ALKBH3: variants seen among roughly 807,000 people sequenced by gnomAD.
ALKBH3 encodes alkB homolog 3, alpha-ketoglutarate dependent dioxygenase.
Under a neutral mutation model 43.9 loss-of-function variants are expected in ALKBH3, and 51 were observed. That is an observed-to-expected ratio of 1.16 (90% confidence interval 0.93 to 1.47). The LOEUF (loss-of-function observed/expected upper bound fraction) is 1.47. ALKBH3 is among the 40% of genes most tolerant of loss of function. The probability of loss-of-function intolerance (pLI) is 0.00; values close to 1 mark genes in which losing one functional copy is unlikely to be tolerated. For synonymous variants in ALKBH3, 102 were observed against 115.2 expected (o/e 0.89, Z 0.73); for missense variants, 361 against 351.9 (o/e 1.03, Z -0.21).
Position 43,901,611 on chromosome 11 carries a change from G to T in ALKBH3, c.555G>T (p.Lys185Asn). Residue 185 changes from lysine to asparagine, a missense_variant, in exon 8 of 10, where the codon AAG (lysine) becomes AAT (asparagine). Lys to Asn is a moderately conservative substitution (Grantham distance 94). Transcript: ENST00000302708. ...SLLCNLYRNE[K>N]DSVDWHSDDE... ...TCTGCAATCTTTATCGCAATGAGAA[G>T]GACAGCGTGGACTGGCACAGTGATG... 6.2e-7 allele frequency: 1 copy of T among 1,614,252 alleles called. No homozygotes were observed. The highest frequency in any genetic ancestry group is 1.1e-5 in the South Asian group (1 of 91,086).
At chr11:43,893,279 C>T (rs1006045457) in intron 7 of ALKBH3, among the ~76,000 whole-genome samples, 25 of 152,142 alleles carry the variant, frequency 1.6e-4, no homozygotes, top group African/African-American at 5.8e-4. Flanking sequence ...TATGCATGAC[C>T]TCCACCTGTT....
intron 4 of ALKBH3, 140 bp downstream of exon 4, chr11:43,884,157 A>G (rs1951732366): frequency 3.0e-6 from 3 of 1,010,436 alleles, no homozygotes; most frequent in Non-Finnish European, 4.4e-6. Context: ...CCCATCTCAA[A>G]TGTCTTTAAA....
intron 4 of ALKBH3, among the ~76,000 whole-genome samples, chr11:43,886,308 A>G (rs1951746094): frequency 6.6e-6 from 1 of 152,162 alleles, no homozygotes; most frequent in Non-Finnish European, 1.5e-5. Context: ...TCTTTGTGCA[A>G]TAGATTCCTG....
At chr11:43,899,664 C>T (rs1011022586) in intron 7 of ALKBH3, 2 of 429,158 alleles carry the variant, frequency 4.7e-6, no homozygotes, top group Admixed American at 7.6e-5. Context: ...GGACTCCTCT[C>T]ACCTCTAGAG....
chr11:43,884,651 G>T (rs1425125297), intron 4 of ALKBH3, among the ~76,000 whole-genome samples: 1 of 152,164 alleles, frequency 6.6e-6, no homozygotes, highest in African/African-American at 2.4e-5. Flanking sequence ...TCAGATATAT[G>T]TTCTTGCCCA....
intron 4 of ALKBH3, 43 bp from the exon 5 acceptor site, chr11:43,886,563 G>A: frequency 6.2e-7 from 1 of 1,602,116 alleles, no homozygotes; most frequent in South Asian, 1.1e-5. Flanking sequence ...ATAGCATATT[G>A]TTTTGCCTCA....
At chr11:43,911,042 A>G (rs957314701) in intron 8 of ALKBH3, among the ~76,000 whole-genome samples, 11 of 152,250 alleles carry the variant, frequency 7.2e-5, no homozygotes. Context: ...GAGCTAGACT[A>G]TAATCAAATA....
chr11:43,906,322 A>G (rs1231534924), intron 8 of ALKBH3, among the ~76,000 whole-genome samples: 1 of 152,240 alleles, frequency 6.6e-6, no homozygotes, highest in African/African-American at 2.4e-5. Flanking sequence ...AGGTCAGTCA[A>G]GTCATAAATA....
At chr11:43,898,791 C>G in intron 7 of ALKBH3, 1 of 761,088 alleles carries the variant, frequency 1.3e-6, no homozygotes, top group Non-Finnish European at 2.5e-6. Flanking sequence ...TTATTGATGA[C>G]AACACCAGAA....
At chr11:43,890,661 C>T (rs752650221) in intron 6 of ALKBH3, among the ~76,000 whole-genome samples, 3 of 152,148 alleles carry the variant, frequency 2.0e-5, no homozygotes, top group East Asian at 1.9e-4. Context: ...GTCAGGAGAT[C>T]GAGACCATCC....
chr11:43,893,053 T>C (rs980545598), intron 7 of ALKBH3, among the ~76,000 whole-genome samples: 3 of 152,242 alleles, frequency 2.0e-5, no homozygotes, highest in Admixed American at 1.3e-4. Flanking sequence ...CAGTCCAACA[T>C]AGCCTGCTTT....
chr11:43,892,021 G>T lies in ALKBH3; in HGVS notation c.371-20G>T, dbSNP rs777105819. The T allele has an allele frequency of 4.4e-6, 7 of 1,581,110 alleles. 1 individual carries two copies. The South Asian group carries it at 4.4e-5, about 10-fold the overall frequency. On this transcript the variant is annotated intron_variant, in intron 6 of 9. Transcript: ENST00000302708. The stretch of plus-strand genomic sequence containing the variant: ...TAAATAGCATTAAACCATTTCAAAG[G>T]CCTGTATTTTCTTTCTTAGATATAA...
At chr11:43,918,743 A>T (rs1289740158) in intron 8 of ALKBH3, 4 of 287,092 alleles carry the variant, frequency 1.4e-5, no homozygotes, top group Admixed American at 4.9e-5. Flanking sequence ...ACTAATAGCT[A>T]GCACTTACTG....
At chr11:43,906,121 C>G (rs1393617724) in intron 8 of ALKBH3, among the ~76,000 whole-genome samples, 3 of 152,164 alleles carry the variant, frequency 2.0e-5, no homozygotes, top group Non-Finnish European at 2.9e-5. Context: ...CAAGTTGAGC[C>G]CTCTAACCAC....
intron 8 of ALKBH3, among the ~76,000 whole-genome samples, chr11:43,906,883 A>G (rs1051113240): frequency 6.6e-6 from 1 of 152,128 alleles, no homozygotes; most frequent in African/African-American, 2.4e-5. Context: ...TTTTTTGTAA[A>G]TGGGATTGAT....
intron 4 of ALKBH3, 107 bp from the exon 5 acceptor site, chr11:43,886,499 G>T: frequency 9.7e-7 from 1 of 1,030,328 alleles, no homozygotes; most frequent in South Asian, 1.4e-5. Flanking sequence ...ATAACTAAAT[G>T]ACTTTGGTGA....
At chr11:43,891,078 G>C (rs1951780407) in intron 6 of ALKBH3, among the ~76,000 whole-genome samples, 1 of 152,042 alleles carries the variant, frequency 6.6e-6, no homozygotes, top group Admixed American at 6.6e-5. Context: ...TTTGATCCAT[G>C]GTGGATGTGG....
chr11:43,886,788 A>G (rs1951749566), intron 5 of ALKBH3, 135 bp downstream of exon 5: 2 of 884,050 alleles, frequency 2.3e-6, no homozygotes, highest in Non-Finnish European at 3.5e-6. Flanking sequence ...AAGGAATGAA[A>G]GCATGTCCTT....
At chr11:43,897,270 A>G (rs1386642570) in intron 7 of ALKBH3, 3 of 570,658 alleles carry the variant, frequency 5.3e-6, no homozygotes, top group Non-Finnish European at 1.0e-5. Context: ...AGCTGCTGGT[A>G]TGAGCGCCCG....
Sources: allele counts gnomAD v4.1 joint callset (sites outside exome capture counted in the v4.1 genomes callset), GRCh38; gene constraint gnomAD v4.1.1; transcripts MANE v1.5; gene names NCBI Gene and HGNC (gene_info 2026-07-23, HGNC 2026-07-21).